SLC30A7: variants seen among roughly 807,000 people sequenced by gnomAD.
SLC30A7 encodes zinc transporter 7.
Under a neutral mutation model 46.0 loss-of-function variants are expected in SLC30A7, and 35 were observed. The observed-to-expected ratio is 0.76, with a 90% CI of 0.58 to 1.01. SLC30A7 has a LOEUF of 1.01. Among genes scored for constraint, SLC30A7 ranks in the 50% least tolerant of loss-of-function variants. SLC30A7 has a pLI of 0.00. For synonymous variants in SLC30A7, 147 were observed against 157.8 expected, an observed-to-expected ratio of 0.93 and a Z score of 0.51; for missense variants, 464 against 451.1, an observed-to-expected ratio of 1.03 and a Z score of -0.26.
chr1:100,976,750 A>C lies in SLC30A7; in HGVS notation c.*1893A>C, dbSNP rs144571038. 2.1e-4 allele frequency: 32 copies of C among 152,772 alleles called. No individual in the cohort carries two copies. Among genetic ancestry groups the C allele is most frequent in the African/African-American group, 7.5e-4 (31 of 41,574 alleles). The allele number at this position is 152,772 out of a possible 1,614,324, so 9.5% of individuals were successfully genotyped here. A position where few individuals can be genotyped will look rare whatever the true frequency, so the allele number is the denominator to read the frequency against. On this transcript the variant is annotated 3_prime_UTR_variant, in exon 11 of 11. Coordinates refer to ENST00000357650, the MANE Select transcript of SLC30A7 (RefSeq NM_133496.5). ...TCCCCTATTTCTGACCTACAACTAT[A>C]AACTACTCTCTATTAGGAGAACTAG...
chr1:100,898,325 T>C (rs921343136), intron 2 of SLC30A7, among the ~76,000 whole-genome samples: 3 of 152,214 alleles, frequency 2.0e-5, no homozygotes, highest in African/African-American at 7.2e-5. Context: ...TTTTGATCTG[T>C]AGAGATCTGT....
the SLC30A7 span, among the ~76,000 whole-genome samples, chr1:100,993,129 T>G: frequency 6.6e-6 from 1 of 152,314 alleles, no homozygotes; most frequent in African/African-American, 2.4e-5. Flanking sequence ...CATATTCTTT[T>G]CACTGTTTCC....
chr1:100,918,280 T>C (rs1216204915), intron 7 of SLC30A7, among the ~76,000 whole-genome samples, 153 bp downstream of exon 7: 1 of 152,212 alleles, frequency 6.6e-6, no homozygotes, highest in African/African-American at 2.4e-5. Context: ...TTATATACTA[T>C]TAGATATATT....
intron 5 of SLC30A7, among the ~76,000 whole-genome samples, 191 bp downstream of exon 5, chr1:100,912,429 A>G (rs1652164713): frequency 6.6e-6 from 1 of 152,178 alleles, no homozygotes; most frequent in Non-Finnish European, 1.5e-5. Flanking sequence ...TGCTTGTATC[A>G]TGGATCCCAC....
intron 6 of SLC30A7, among the ~76,000 whole-genome samples, chr1:100,914,017 G>T (rs929134947): frequency 6.6e-6 from 1 of 151,944 alleles, no homozygotes; most frequent in African/African-American, 2.4e-5. Flanking sequence ...TTTCCAGAGG[G>T]TATATCATAA....
intron 4 of SLC30A7, 29 bp from the exon 5 acceptor site, chr1:100,912,083 G>T: frequency 2.5e-6 from 4 of 1,597,030 alleles, no homozygotes; most frequent in Non-Finnish European, 3.4e-6. Flanking sequence ...TAATATCTAT[G>T]CTATTTGTTT....
At chr1:100,910,354 C>T (rs1280387861) in intron 3 of SLC30A7, among the ~76,000 whole-genome samples, 1 of 151,976 alleles carries the variant, frequency 6.6e-6, no homozygotes, top group Non-Finnish European at 1.5e-5. Flanking sequence ...AAATCTTTCC[C>T]CAATGCTTCA....
At chr1:100,938,373 G>T (rs1441654961) in intron 8 of SLC30A7, among the ~76,000 whole-genome samples, 1 of 152,146 alleles carries the variant, frequency 6.6e-6, no homozygotes, top group Non-Finnish European at 1.5e-5. Context: ...CTACTATATA[G>T]AATTAACTGT....
chr1:100,939,673 T>TAAAAA (rs779785674), intron 8 of SLC30A7, among the ~76,000 whole-genome samples: 3 of 133,688 alleles, frequency 2.2e-5, no homozygotes, highest in Non-Finnish European at 4.9e-5. Flanking sequence ...TGTCTCTACT[T>TAAAAA]AAAAAAAAAA....
chr1:100,925,547 G>C (rs1300649243), intron 8 of SLC30A7, among the ~76,000 whole-genome samples: 1 of 152,204 alleles, frequency 6.6e-6, no homozygotes, highest in East Asian at 1.9e-4. Context: ...AGAAAAGTTA[G>C]AAAATGCTTT....
intron 8 of SLC30A7, among the ~76,000 whole-genome samples, chr1:100,922,256 G>A (rs903525260): frequency 3.9e-5 from 6 of 151,960 alleles, no homozygotes; most frequent in African/African-American, 7.2e-5. Flanking sequence ...ATGAGCCACC[G>A]CACCCGGCCA....
chr1:100,926,026 C>G (rs1350120941), intron 8 of SLC30A7, among the ~76,000 whole-genome samples: 1 of 152,126 alleles, frequency 6.6e-6, no homozygotes, highest in Non-Finnish European at 1.5e-5. Flanking sequence ...GTCAGGGGCC[C>G]TTTCAATATA....
At chr1:100,924,418 C>T (rs1653150520) in intron 8 of SLC30A7, among the ~76,000 whole-genome samples, 1 of 152,084 alleles carries the variant, frequency 6.6e-6, no homozygotes, top group Non-Finnish European at 1.5e-5. Flanking sequence ...CACCCCTTCC[C>T]ACCAGCATAT....
At chr1:100,971,309 T>A (rs1656149503) in intron 10 of SLC30A7, among the ~76,000 whole-genome samples, 1 of 152,054 alleles carries the variant, frequency 6.6e-6, no homozygotes, top group Admixed American at 6.6e-5. Context: ...ACCTTTCCTT[T>A]TTTTTTCTCT....
At chr1:100,992,576 A>T in the SLC30A7 span, 1 of 1,198,922 alleles carries the variant, frequency 8.3e-7, no homozygotes, top group Non-Finnish European at 1.2e-6. Flanking sequence ...ATTAAGTCAT[A>T]TACACATCTA....
At chr1:100,940,472 C>T (rs1201722602) in intron 8 of SLC30A7, among the ~76,000 whole-genome samples, 1 of 152,040 alleles carries the variant, frequency 6.6e-6, no homozygotes, top group Non-Finnish European at 1.5e-5. Context: ...AGGAAAGTCA[C>T]AAGACACAAT....
At chr1:100,990,932 A>G in the SLC30A7 span, among the ~76,000 whole-genome samples, 5 of 152,344 alleles carry the variant, frequency 3.3e-5, no homozygotes, top group Non-Finnish European at 7.4e-5. Flanking sequence ...TCGTTTTTAA[A>G]TAAGTTCTGA....
intron 8 of SLC30A7, among the ~76,000 whole-genome samples, chr1:100,952,945 T>A (rs1655033722): frequency 6.6e-6 from 1 of 152,198 alleles, no homozygotes; most frequent in Non-Finnish European, 1.5e-5. Context: ...TGGTTTGGAT[T>A]TGTGTCCCTA....
intron 7 of SLC30A7, among the ~76,000 whole-genome samples, chr1:100,920,674 T>C (rs1652878041): frequency 6.6e-6 from 1 of 152,026 alleles, no homozygotes; most frequent in Admixed American, 6.5e-5. Flanking sequence ...TTTAAGTTAT[T>C]AGAACATTTC....
Sources: allele counts gnomAD v4.1 joint callset (sites outside exome capture counted in the v4.1 genomes callset), GRCh38; gene constraint gnomAD v4.1.1; transcripts MANE v1.5; gene names NCBI Gene and HGNC (gene_info 2026-07-23, HGNC 2026-07-21).